Variants in OR51Q1 observed in about 807,000 individuals in gnomAD.
OR51Q1 encodes olfactory receptor family 51 subfamily Q member 1.
For missense variants in OR51Q1, 501 were observed against 397.1 expected (o/e 1.26, Z -2.22); for synonymous variants, 187 against 151.7 (o/e 1.23, Z -1.71).
In OR51Q1 at chr11:5,422,407, C is replaced by A. The variant is rs780761727; in HGVS notation, c.207C>A (p.Ala69=). The A allele has an allele frequency of 1.2e-6, 2 of 1,614,116 alleles. No homozygotes were observed. The highest frequency in any genetic ancestry group is 1.1e-5 in the South Asian group (1 of 91,054). The change falls in exon 1 of 1, where the codon GCC becomes GCA. Residue 69 remains alanine, a synonymous_variant. Transcript: ENST00000300778. ...QRMYLFLSML[A]LTDLGLTLTT... ...TGTATCTGTTTCTCTCCATGCTGGC[C>A]CTGACGGACCTGGGTCTCACCCTCA... is the stretch of plus-strand genomic sequence containing the variant.
In OR51Q1 at chr11:5,422,236, C is replaced by A; in HGVS notation, c.36C>A (p.Ile12=). 2 of 1,613,290 alleles carry A rather than the reference C, an allele frequency of 1.2e-6. No individual in the cohort carries two copies. Among genetic ancestry groups the A allele is most frequent in the South Asian group, 2.2e-5 (2 of 90,884 alleles). Residue 12 remains isoleucine (I), a synonymous_variant, in exon 1 of 1, where the codon ATC becomes ATA. Coordinates refer to ENST00000300778, the MANE Select transcript of OR51Q1 (RefSeq NM_001004757.2). Reference sequence around the variant, plus strand: ...TGACTAACACCACACAAGAAGGCATCTACTTCATCCTCACGGACATCCCTG... The same window carrying A: ...TGACTAACACCACACAAGAAGGCATATACTTCATCCTCACGGACATCCCTG... ...SQVTNTTQEG[I]YFILTDIPGF...
At position 5,422,432 on chromosome 11, in the gene OR51Q1, A is replaced by T; in HGVS notation, c.232A>T (p.Thr78Ser). 2 of 1,614,054 alleles carry T rather than the reference A, an allele frequency of 1.2e-6. No individual in the cohort carries two copies. The highest frequency in any genetic ancestry group is 1.7e-6 in the Non-Finnish European group (2 of 1,180,006). The change falls in exon 1 of 1, where the codon ACC (threonine) becomes TCC (serine). Residue 78 changes from threonine (T) to serine (S), a missense_variant. By Grantham distance (58) the Thr-to-Ser change is moderately conservative (BLOSUM62 1). Transcript: ENST00000300778. ...LALTDLGLTL[T>S]TLPTVMQLLW... The stretch of plus-strand genomic sequence containing the variant: ...CCTGACGGACCTGGGTCTCACCCTC[A>T]CCACCCTACCCACAGTCATGCAGCT...
Position 5,422,480 on chromosome 11 carries a change from A to C in OR51Q1, c.280A>C (p.Ile94Leu). ...MQLLWFNVRR[I>L]SSEACFAQFF... ...GCTTCTCTGGTTCAACGTTCGTAGA[A>C]TCAGCTCTGAGGCCTGTTTTGCTCA... Residue 94 changes from isoleucine (I) to leucine (L), a missense_variant, in exon 1 of 1, where the codon ATC becomes CTC. Physicochemically the swap from Ile to Leu is conservative, Grantham distance 5 (BLOSUM62 2). Transcript: ENST00000300778. 1 of 1,614,112 alleles carries C rather than the reference A, an allele frequency of 6.2e-7. No individual in the cohort carries two copies. The highest frequency in any genetic ancestry group is 8.5e-7 in the Non-Finnish European group (1 of 1,180,024).
Position 5,422,489 on chromosome 11 carries a change from G to A in OR51Q1, c.289G>A (p.Glu97Lys). ...LWFNVRRISS[E>K]ACFAQFFFLH... The stretch of plus-strand genomic sequence containing the variant: ...GTTCAACGTTCGTAGAATCAGCTCT[G>A]AGGCCTGTTTTGCTCAGTTTTTCTT... Residue 97 changes from glutamate to lysine, a missense_variant, in exon 1 of 1, where the codon GAG becomes AAG. Glu to Lys is a moderately conservative substitution (Grantham distance 56, BLOSUM62 1). Transcript: ENST00000300778. 1.9e-6 allele frequency: 3 copies of A among 1,614,162 alleles called. No individual in the cohort carries two copies. The highest frequency in any genetic ancestry group is 2.5e-6 in the Non-Finnish European group (3 of 1,180,034).
In OR51Q1 at chr11:5,422,743, C is replaced by G; in HGVS notation, c.543C>G (p.Cys181Trp). The G allele has an allele frequency of 6.2e-7, 1 of 1,614,074 alleles. No individual in the cohort carries two copies. Among genetic ancestry groups the G allele is most frequent in the Non-Finnish European group, 8.5e-7 (1 of 1,179,984 alleles). ...CHSHLLSRSY[C>W]LHQDMIRLVC... is the part of the protein sequence containing the mutation. ...CCCACCTTCTCTCTCGCTCCTATTG[C>G]CTCCACCAGGATATGATCCGCCTGG... The change falls in exon 1 of 1, where the codon TGC (cysteine) becomes TGG (tryptophan). Residue 181 changes from cysteine (C) to tryptophan (W), a missense_variant. By Grantham distance (215) the Cys-to-Trp change is radical. Coordinates refer to ENST00000300778, the MANE Select transcript of OR51Q1 (RefSeq NM_001004757.2).
In OR51Q1 at chr11:5,422,349, T is replaced by C. The variant is rs373261199; in HGVS notation, c.149T>C (p.Val50Ala). ...ATGGGCAATACCACCATCCTCACTG[T>C]CATTCGCACAGAGCCATCTGTCCAC... ...SIMGNTTILT[V>A]IRTEPSVHQR... Residue 50 changes from valine to alanine, a missense_variant, in exon 1 of 1, where the codon GTC (valine) becomes GCC (alanine). Val to Ala is a moderately conservative substitution (Grantham distance 64). Coordinates refer to ENST00000300778, the MANE Select transcript of OR51Q1 (RefSeq NM_001004757.2). 3.7e-6 allele frequency: 6 copies of C among 1,614,030 alleles called. No individual in the cohort carries two copies. The Admixed American group carries it at 5.0e-5, about 13-fold the overall frequency.
Position 5,422,913 on chromosome 11 carries a change from G to A in OR51Q1, c.713G>A (p.Arg238His), listed in dbSNP as rs750405873. The change falls in exon 1 of 1, where the codon CGT becomes CAT. Residue 238 changes from arginine to histidine, a missense_variant. By Grantham distance (29) the Arg-to-His change is conservative. Transcript: ENST00000300778. ...ACAGCCACCTGGGCTGAGCGACTCC[G>A]TGCCCTCAATAACTGCCTGTCCCAC... Reference protein sequence around the residue: ...LGTATWAERLRALNNCLSHIL... With the variant: ...LGTATWAERLHALNNCLSHIL... The A allele has an allele frequency of 4.9e-5, 79 of 1,613,848 alleles. No homozygotes were observed. Among genetic ancestry groups the A allele is most frequent in the African/African-American group, 8.0e-5 (6 of 74,902 alleles).
At position 5,422,261 on chromosome 11, in the gene OR51Q1, G is replaced by C; in HGVS notation, c.61G>C (p.Gly21Arg). 1 of 1,614,058 alleles carries C rather than the reference G, an allele frequency of 6.2e-7. No individual in the cohort carries two copies. ...CTACTTCATCCTCACGGACATCCCT[G>C]GATTTGAGGCCTCCCACATCTGGAT... ...GIYFILTDIP[G>R]FEASHIWISI... The change falls in exon 1 of 1, where the codon GGA becomes CGA. Residue 21 changes from glycine (G) to arginine (R), a missense_variant. By Grantham distance (125) the Gly-to-Arg change is moderately radical. Coordinates refer to ENST00000300778, the MANE Select transcript of OR51Q1 (RefSeq NM_001004757.2).
Position 5,422,418 on chromosome 11 carries a change from T to G in OR51Q1, c.218T>G (p.Leu73Arg). Residue 73 changes from leucine to arginine, a missense_variant, in exon 1 of 1, where the codon CTG (leucine) becomes CGG (arginine). Leu to Arg is a moderately radical substitution (Grantham distance 102). Transcript: ENST00000300778. ...LFLSMLALTD[L>R]GLTLTTLPTV... ...CTCTCCATGCTGGCCCTGACGGACC[T>G]GGGTCTCACCCTCACCACCCTACCC... 6.2e-7 allele frequency: 1 copy of G among 1,614,150 alleles called. No homozygotes were observed. The highest frequency in any genetic ancestry group is 1.1e-5 in the South Asian group (1 of 91,066).
Position 5,423,055 on chromosome 11 carries a change from A to AC in OR51Q1, c.860dup (p.Val288GlyfsTer37), listed in dbSNP as rs778736614. 1 of 1,613,782 alleles carries AC rather than the reference A, an allele frequency of 6.2e-7. No homozygotes were observed. Among genetic ancestry groups the AC allele is most frequent in the Non-Finnish European group, 8.5e-7 (1 of 1,180,006 alleles). The stretch of plus-strand genomic sequence containing the variant: ...TCATGGCCAATATCTACCTGCTGGC[A>AC]CCCCCGGTGATGAACCCCATCATTT... On this transcript the variant is annotated frameshift_variant, in exon 1 of 1. Transcript: ENST00000300778. LOFTEE classifies it low-confidence loss of function (END_TRUNC).
At position 5,422,540 on chromosome 11, in the gene OR51Q1, T is replaced by G. The variant is rs1205959505; in HGVS notation, c.340T>G (p.Ser114Ala). Residue 114 changes from serine to alanine, a missense_variant, in exon 1 of 1, where the codon TCT becomes GCT. Transcript: ENST00000300778. ...FFLHGFSFME[S>A]SVLLAMSVDC... Reference sequence around the variant, plus strand: ...CCTTCATGGATTCTCCTTTATGGAGTCTTCTGTCCTCCTGGCTATGTCCGT... The same window carrying G: ...CCTTCATGGATTCTCCTTTATGGAGGCTTCTGTCCTCCTGGCTATGTCCGT... 6.2e-7 allele frequency: 1 copy of G among 1,613,908 alleles called. No homozygotes were observed. Among genetic ancestry groups the G allele is most frequent in the African/African-American group, 1.3e-5 (1 of 74,858 alleles).
chr11:5,422,406 C>A lies in OR51Q1; in HGVS notation c.206C>A (p.Ala69Asp), dbSNP rs1850354821. The change falls in exon 1 of 1, where the codon GCC (alanine) becomes GAC (aspartate). Residue 69 changes from alanine to aspartate, a missense_variant. Transcript: ENST00000300778. ...QRMYLFLSML[A>D]LTDLGLTLTT... is the part of the protein sequence containing the mutation. ...ATGTATCTGTTTCTCTCCATGCTGG[C>A]CCTGACGGACCTGGGTCTCACCCTC... is the stretch of plus-strand genomic sequence containing the variant. 2 of 1,613,994 alleles carry A rather than the reference C, an allele frequency of 1.2e-6. No individual in the cohort carries two copies. Among genetic ancestry groups the A allele is most frequent in the African/African-American group, 1.3e-5 (1 of 74,920 alleles).
Position 5,422,380 on chromosome 11 carries a change from C to G in OR51Q1, c.180C>G (p.Arg60=). The change falls in exon 1 of 1, where the codon CGC becomes CGG. Residue 60 remains arginine (R), a synonymous_variant. Coordinates refer to ENST00000300778, the MANE Select transcript of OR51Q1 (RefSeq NM_001004757.2). The part of the protein sequence containing the change: ...VIRTEPSVHQ[R]MYLFLSMLAL... ...GCACAGAGCCATCTGTCCACCAGCG[C>G]ATGTATCTGTTTCTCTCCATGCTGG... 1 of 1,614,188 alleles carries G rather than the reference C, an allele frequency of 6.2e-7. No homozygotes were observed. Among genetic ancestry groups the G allele is most frequent in the Non-Finnish European group, 8.5e-7 (1 of 1,180,032 alleles).
In OR51Q1 at chr11:5,422,437, C is replaced by T; in HGVS notation, c.237C>T (p.Thr79=). Residue 79 remains threonine (T), a synonymous_variant, in exon 1 of 1, where the codon ACC becomes ACT. Coordinates refer to ENST00000300778, the MANE Select transcript of OR51Q1 (RefSeq NM_001004757.2). ...CGGACCTGGGTCTCACCCTCACCAC[C>T]CTACCCACAGTCATGCAGCTTCTCT... ...ALTDLGLTLT[T]LPTVMQLLWF... The T allele has an allele frequency of 6.2e-7, 1 of 1,614,202 alleles. No homozygotes were observed. Among genetic ancestry groups the T allele is most frequent in the Non-Finnish European group, 8.5e-7 (1 of 1,180,026 alleles).
In OR51Q1 at chr11:5,423,072, C is replaced by A; in HGVS notation, c.872C>A (p.Pro291His). 2 of 1,614,070 alleles carry A rather than the reference C, an allele frequency of 1.2e-6. No individual in the cohort carries two copies. The highest frequency in any genetic ancestry group is 1.7e-6 in the Non-Finnish European group (2 of 1,180,018). ...IYLLAPPVMN[P>H]IIYSVKNKQI... is the part of the protein sequence containing the mutation. ...CTGCTGGCACCCCCGGTGATGAACC[C>A]CATCATTTACAGTGTAAAGAACAAG... Residue 291 changes from proline to histidine, a missense_variant, in exon 1 of 1, where the codon CCC (proline) becomes CAC (histidine). Physicochemically the swap from Pro to His is moderately conservative, Grantham distance 77 (BLOSUM62 -2). Coordinates refer to ENST00000300778, the MANE Select transcript of OR51Q1 (RefSeq NM_001004757.2).
chr11:5,423,024 A>G lies in OR51Q1; in HGVS notation c.824A>G (p.His275Arg), dbSNP rs1337097314. The change falls in exon 1 of 1, where the codon CAT (histidine) becomes CGT (arginine). Residue 275 changes from histidine to arginine, a missense_variant. Coordinates refer to ENST00000300778, the MANE Select transcript of OR51Q1 (RefSeq NM_001004757.2). ...GCCAAGCATGCCTCTCCACTGGTCC[A>G]TGTTATCATGGCCAATATCTACCTG... ...RFAKHASPLV[H>R]VIMANIYLLA... The G allele has an allele frequency of 1.2e-6, 2 of 1,614,048 alleles. No homozygotes were observed. Among genetic ancestry groups the G allele is most frequent in the Non-Finnish European group, 1.7e-6 (2 of 1,180,018 alleles).
In OR51Q1 at chr11:5,422,604, C is replaced by A; in HGVS notation, c.404C>A (p.Ala135Asp). The change falls in exon 1 of 1, where the codon GCC becomes GAC. Residue 135 changes from alanine to aspartate, a missense_variant. Coordinates refer to ENST00000300778, the MANE Select transcript of OR51Q1 (RefSeq NM_001004757.2). Reference protein sequence around the residue: ...YVAICCPLHYASILTNEVIGR... With the variant: ...YVAICCPLHYDSILTNEVIGR... ...GCCATCTGCTGTCCCCTCCATTATG[C>A]CTCCATCCTCACCAATGAAGTCATT... The A allele has an allele frequency of 1.2e-6, 2 of 1,614,136 alleles. No homozygotes were observed. Among genetic ancestry groups the A allele is most frequent in the South Asian group, 1.1e-5 (1 of 91,076 alleles).
rs2133762015 is a variant in OR51Q1 at position 5,423,084 on chromosome 11, G to C, written c.884G>C (p.Ser295Thr). The change falls in exon 1 of 1, where the codon AGT (serine) becomes ACT (threonine). Residue 295 changes from serine (S) to threonine (T), a missense_variant. Coordinates refer to ENST00000300778, the MANE Select transcript of OR51Q1 (RefSeq NM_001004757.2). The stretch of plus-strand genomic sequence containing the variant: ...CCGGTGATGAACCCCATCATTTACA[G>C]TGTAAAGAACAAGCAGATCCAATGG... Reference protein sequence around the residue: ...APPVMNPIIYSVKNKQIQWGM... With the variant: ...APPVMNPIIYTVKNKQIQWGM... 6.2e-7 allele frequency: 1 copy of C among 1,613,990 alleles called. No homozygotes were observed. The highest frequency in any genetic ancestry group is 1.1e-5 in the South Asian group (1 of 91,048).
Position 5,422,433 on chromosome 11 carries a change from C to A in OR51Q1, c.233C>A (p.Thr78Asn). 1 of 1,614,178 alleles carries A rather than the reference C, an allele frequency of 6.2e-7. No individual in the cohort carries two copies. The highest frequency in any genetic ancestry group is 8.5e-7 in the Non-Finnish European group (1 of 1,180,024). ...LALTDLGLTL[T>N]TLPTVMQLLW... ...CTGACGGACCTGGGTCTCACCCTCA[C>A]CACCCTACCCACAGTCATGCAGCTT... The change falls in exon 1 of 1, where the codon ACC (threonine) becomes AAC (asparagine). Residue 78 changes from threonine to asparagine, a missense_variant. Thr to Asn is a moderately conservative substitution (Grantham distance 65). Coordinates refer to ENST00000300778, the MANE Select transcript of OR51Q1 (RefSeq NM_001004757.2).
Sources: gnomAD v4.1 joint callset for allele counts on GRCh38, gnomAD v4.1.1 for gene constraint, MANE v1.5 for transcripts, NCBI Gene and HGNC (gene_info 2026-07-23, HGNC 2026-07-21) for gene names.